TRAF3IP1: variants seen among roughly 807,000 people sequenced by gnomAD.
The protein encoded by TRAF3IP1 is intraflagellar transport 54.
In TRAF3IP1, 53 loss-of-function variants were observed where a neutral mutation model predicts 89.9. That is an observed-to-expected ratio of 0.59 (90% CI 0.47 to 0.74). The LOEUF is 0.74. Ranked by LOEUF, TRAF3IP1 falls within the 30% of genes least tolerant of loss-of-function variation. TRAF3IP1 has a pLI of 0.00. For missense variants in TRAF3IP1, 806 were observed against 866.1 expected, an observed-to-expected ratio of 0.93 and a Z score of 0.87; for synonymous variants, 311 against 322.1, an observed-to-expected ratio of 0.97 and a Z score of 0.37.
chr2:238,332,732 G>T (rs1379831184), intron 5 of TRAF3IP1, 92 bp from the exon 6 acceptor site: 5 of 926,178 alleles, frequency 5.4e-6, no homozygotes, highest in Non-Finnish European at 8.5e-6. Flanking sequence ...TGATTTCACT[G>T]TTGGTCAGTG....
At chr2:238,335,771 TTTATTTATTTATTTA>T (rs1698360273) in intron 7 of TRAF3IP1, among the ~76,000 whole-genome samples, 2 of 12,872 alleles carry the variant, frequency 1.6e-4, no homozygotes, top group South Asian at 5.1e-3. Flanking sequence ...TTTTATTTTA[TTTATTTATTTATTTA>T]TTTATTTATT....
At position 238,332,823 on chromosome 2, in the gene TRAF3IP1, G is replaced by A. The variant is rs1263408938; in HGVS notation, c.916-1G>A. 6.3e-7 allele frequency: 1 copy of A among 1,587,260 alleles called. No individual in the cohort carries two copies. Among genetic ancestry groups the A allele is most frequent in the South Asian group, 1.1e-5 (1 of 87,828 alleles). On this transcript the variant is annotated splice_acceptor_variant, in intron 5 of 16. Coordinates refer to ENST00000373327, the MANE Select transcript of TRAF3IP1 (RefSeq NM_015650.4). LOFTEE classifies it high-confidence loss of function. ...GTTTGAATTTTTTTTTTTTTTAATA[G>A]TCAGCAAGCTCAGGGGAGATGTCTA... is the stretch of plus-strand genomic sequence containing the variant.
At chr2:238,385,682 C>A (rs929905682) in intron 15 of TRAF3IP1, among the ~76,000 whole-genome samples, 6 of 152,166 alleles carry the variant, frequency 3.9e-5, no homozygotes, top group Admixed American at 6.5e-5. Context: ...CCGTGGACTG[C>A]TAAGTCTGTT....
intron 15 of TRAF3IP1, among the ~76,000 whole-genome samples, chr2:238,380,372 T>C (rs1427717953): frequency 3.3e-5 from 5 of 152,088 alleles, no homozygotes; most frequent in Non-Finnish European, 5.9e-5. Context: ...CCAGAAAATA[T>C]GGTGTCTTCA....
At chr2:238,347,503 G>A in intron 10 of TRAF3IP1, 28 bp downstream of exon 10, 1 of 1,613,114 alleles carries the variant, frequency 6.2e-7, no homozygotes, top group Non-Finnish European at 8.5e-7. Context: ...ATACCTGTGT[G>A]TCATATCAAT....
At chr2:238,326,507 A>AT (rs1385769355) in intron 3 of TRAF3IP1, among the ~76,000 whole-genome samples, 3 of 150,918 alleles carry the variant, frequency 2.0e-5, no homozygotes, top group Non-Finnish European at 4.4e-5. Context: ...CGGGGAGTAG[A>AT]TTTTTTCTTT....
At chr2:238,328,598 A>G in intron 3 of TRAF3IP1, 88 bp from the exon 4 acceptor site, 1 of 1,446,630 alleles carries the variant, frequency 6.9e-7, no homozygotes, top group Non-Finnish European at 9.4e-7. Context: ...CTGTCTCATG[A>G]GCTATCTTTG....
At chr2:238,353,004 G>T in intron 13 of TRAF3IP1, 54 bp downstream of exon 13, 1 of 1,562,304 alleles carries the variant, frequency 6.4e-7, no homozygotes. Context: ...CCTTCATTGA[G>T]ATTAATAGTC....
intron 1 of TRAF3IP1, among the ~76,000 whole-genome samples, chr2:238,324,628 C>T (rs181851179): frequency 3.3e-5 from 5 of 151,782 alleles, no homozygotes; most frequent in Non-Finnish European, 5.9e-5. Flanking sequence ...TTTTTTGAGA[C>T]GGAGTCTGGC....
At chr2:238,333,540 G>A (rs1285938348) in intron 6 of TRAF3IP1, among the ~76,000 whole-genome samples, 1 of 152,172 alleles carries the variant, frequency 6.6e-6, no homozygotes, top group African/African-American at 2.4e-5. Context: ...GCCAGTGGAG[G>A]GAGGAATAGG....
In TRAF3IP1 at chr2:238,340,812, CGT is replaced by C. The variant is rs71414327; in HGVS notation, c.1159+2376_1159+2377del. Among the ~76,000 whole-genome samples, 1,146 of 149,300 alleles carry C rather than the reference CGT, an allele frequency of 7.7e-3. 18 individuals carry two copies. Among genetic ancestry groups the C allele is most frequent in the African/African-American group, 0.026 (1,029 of 40,268 alleles). On this transcript the variant is annotated intron_variant, in intron 8 of 16. Coordinates refer to ENST00000373327, the MANE Select transcript of TRAF3IP1 (RefSeq NM_015650.4). ...CCATTTTGCTTAATGTACAGTTATGCGTGTGTGTGTGTGTGTGTGTGTATATA... is the reference window on the plus strand; with the variant it reads ...CCATTTTGCTTAATGTACAGTTATGCGTGTGTGTGTGTGTGTGTGTATATA...
intron 15 of TRAF3IP1, among the ~76,000 whole-genome samples, chr2:238,391,997 G>A (rs553461939): frequency 6.7e-4 from 102 of 152,240 alleles, no homozygotes; most frequent in African/African-American, 9.9e-4. Context: ...GTCATTTAGC[G>A]TCTTAATTTA....
In TRAF3IP1 at chr2:238,362,920, A is replaced by G. The variant is rs114265667; in HGVS notation, c.1689+6840A>G. ...AAGCTTTGCCAAAGCGGAGATCAGA[A>G]ACAGGGTCGACCAGCTGTCTCTTCC... On this transcript the variant is annotated intron_variant, in intron 15 of 16. Transcript: ENST00000373327. 7.0e-3 allele frequency among the ~76,000 whole-genome samples: 1,065 copies of G among 152,362 alleles called. 11 individuals are homozygous for G. Among genetic ancestry groups the G allele is most frequent in the African/African-American group, 0.024 (981 of 41,584 alleles).
At chr2:238,367,116 A>G (rs1699910316) in intron 15 of TRAF3IP1, among the ~76,000 whole-genome samples, 1 of 131,438 alleles carries the variant, frequency 7.6e-6, no homozygotes, top group Non-Finnish European at 1.6e-5. Context: ...GTGAGCCGAG[A>G]TCGCACCACT....
In TRAF3IP1 at chr2:238,400,325, A is replaced by C. The variant is rs1701412243; in HGVS notation, c.*1406A>C. On this transcript the variant is annotated 3_prime_UTR_variant, in exon 17 of 17. Coordinates refer to ENST00000373327, the MANE Select transcript of TRAF3IP1 (RefSeq NM_015650.4). ...TGACCAGGATGGTCTCCACCTCCTGACCTCGTGATCCGCCTGCCTCGGCCT... is the reference window on the plus strand; with the variant it reads ...TGACCAGGATGGTCTCCACCTCCTGCCCTCGTGATCCGCCTGCCTCGGCCT... 6.6e-6 allele frequency: 1 copy of C among 152,134 alleles called. No individual in the cohort carries two copies. The highest frequency in any genetic ancestry group is 6.6e-5 in the Admixed American group (1 of 15,250). 9.4% of individuals were successfully genotyped at this position (152,134 alleles called of 1,614,324 possible).
intron 8 of TRAF3IP1, 47 bp from the exon 9 acceptor site, chr2:238,344,450 C>T (rs1698797692): frequency 1.3e-6 from 2 of 1,481,888 alleles, no homozygotes; most frequent in African/African-American, 1.4e-5. Flanking sequence ...ATCACCGGCC[C>T]TTTGGTGTAC....
intron 15 of TRAF3IP1, among the ~76,000 whole-genome samples, chr2:238,366,407 G>A (rs1574946973): frequency 6.6e-6 from 1 of 151,544 alleles, no homozygotes; most frequent in African/African-American, 2.4e-5. Flanking sequence ...GACAAATAAA[G>A]TTCATGATAA....
Position 238,363,010 on chromosome 2 carries a change from G to A in TRAF3IP1, c.1689+6930G>A, listed in dbSNP as rs1383044063. 2.0e-5 allele frequency among the ~76,000 whole-genome samples: 3 copies of A among 152,306 alleles called. No homozygotes were observed. In the East Asian group the frequency reaches 5.8e-4, roughly 29 times the overall value. ...TTACAGTCATGGCATAAAGATGTTTGAAGTAGCCTTTATGATTTTAAAATA... is the reference window on the plus strand; with the variant it reads ...TTACAGTCATGGCATAAAGATGTTTAAAGTAGCCTTTATGATTTTAAAATA... On this transcript the variant is annotated intron_variant, in intron 15 of 16. Coordinates refer to ENST00000373327, the MANE Select transcript of TRAF3IP1 (RefSeq NM_015650.4).
Position 238,347,516 on chromosome 2 carries a change from T to G in TRAF3IP1, c.1282+41T>G, listed in dbSNP as rs769809128. ...AGATACCTGTGTGTCATATCAATTG[T>G]ATGCATGTGTGTGAATGTGAATGTG... On this transcript the variant is annotated intron_variant, in intron 10 of 16. Transcript: ENST00000373327. 3 of 1,607,152 alleles carry G rather than the reference T, an allele frequency of 1.9e-6. No individual in the cohort carries two copies. In the South Asian group the frequency reaches 3.3e-5, roughly 18 times the overall value.
Sources: allele counts gnomAD v4.1 joint callset (sites outside exome capture counted in the v4.1 genomes callset), GRCh38; gene constraint gnomAD v4.1.1; transcripts MANE v1.5; gene names NCBI Gene and HGNC (gene_info 2026-07-23, HGNC 2026-07-21).